The following TTC38 variants were observed in gnomAD, a reference collection of about 807,000 sequenced individuals.
TTC38 encodes tetratricopeptide repeat domain 38, also known as tetratricopeptide repeat protein 38.
TTC38 carries 64 observed loss-of-function variants against 64.2 expected under a neutral mutation model. The ratio of observed to expected loss-of-function variants is 1.00; its 90% CI spans 0.81 to 1.23. The LOEUF (loss-of-function observed/expected upper bound fraction) is 1.23. TTC38 is among the 50% of genes most tolerant of loss of function. The probability of loss-of-function intolerance (pLI) is 0.00; values close to 1 mark genes in which losing one functional copy is unlikely to be tolerated. For synonymous variants in TTC38, 254 were observed against 249.3 expected (o/e 1.02, Z -0.18); for missense variants, 573 against 615.5 (o/e 0.93, Z 0.73).
rs1479708122 is a variant in TTC38 at position 46,291,619 on chromosome 22, GT to G, written c.1317-1169del. On this transcript the variant is annotated intron_variant, in intron 13 of 13. Coordinates refer to ENST00000381031, the MANE Select transcript of TTC38 (RefSeq NM_017931.4). The surrounding 1 kb of genome is among the most constrained non-coding windows in gnomAD (Gnocchi z 4.6). ...CCCTCTAGAACCACTGTTTTCAGGT[GT>G]TTGGGGGCTGTCTTAGTCAGTTTGG... Among the ~76,000 whole-genome samples, 2 of 152,194 alleles carry G rather than the reference GT, an allele frequency of 1.3e-5. No individual in the cohort carries two copies. Among genetic ancestry groups the G allele is most frequent in the Non-Finnish European group, 2.9e-5 (2 of 68,022 alleles).
Position 46,275,759 on chromosome 22 carries a change from C to T in TTC38, c.539+338C>T, listed in dbSNP as rs563617272. 6.6e-6 allele frequency among the ~76,000 whole-genome samples: 1 copy of T among 152,322 alleles called. No homozygotes were observed. Among genetic ancestry groups the T allele is most frequent in the South Asian group, 2.1e-4 (1 of 4,832 alleles). The stretch of plus-strand genomic sequence containing the variant: ...AGGGCTGAGGGCTCTGCCACCATGT[C>T]CTTGTCTCCATCTGGGATCCCAGCT... On this transcript the variant is annotated intron_variant, in intron 5 of 13. Coordinates refer to ENST00000381031, the MANE Select transcript of TTC38 (RefSeq NM_017931.4). The surrounding 1 kb of genome is among the most constrained non-coding windows in gnomAD (Gnocchi z 4.5).
chr22:46,279,453 G>A (rs2077517384), intron 6 of TTC38, among the ~76,000 whole-genome samples: 2 of 152,304 alleles, frequency 1.3e-5, no homozygotes, highest in Non-Finnish European at 2.9e-5. Flanking sequence ...CAAGGCTAGA[G>A]CCTGCCTAAG....
intron 12 of TTC38, 130 bp from the exon 13 acceptor site, chr22:46,289,696 G>GT: frequency 6.8e-7 from 1 of 1,465,428 alleles, no homozygotes; most frequent in South Asian, 1.1e-5. Context: ...CTCCCGCCGT[G>GT]TAAGTTCGTC....
chr22:46,278,826 C>T (rs889911952), intron 6 of TTC38, among the ~76,000 whole-genome samples, 165 bp downstream of exon 6: 2 of 152,230 alleles, frequency 1.3e-5, no homozygotes, highest in South Asian at 4.1e-4. Flanking sequence ...AGCTGCCGCC[C>T]GCCAGGGGCT....
chr22:46,277,557 A>G (rs537661072), intron 5 of TTC38, among the ~76,000 whole-genome samples: 5 of 138,362 alleles, frequency 3.6e-5, no homozygotes, highest in Admixed American at 8.0e-5. Context: ...GTGAGCTGAG[A>G]TTGTGCCACT....
chr22:46,270,299 G>T lies in TTC38; in HGVS notation c.111+1708G>T, dbSNP rs1402365004. On this transcript the variant is annotated intron_variant, in intron 2 of 13. Coordinates refer to ENST00000381031, the MANE Select transcript of TTC38 (RefSeq NM_017931.4). This position sits in a 1 kb window ranked among gnomAD's most constrained non-coding sequence, Gnocchi z 4.7. ...AGCTATTTGGGAGGCTGAGGCAGGG[G>T]GATTGCTTGAGCCTGGGCGGTTGAG... Among the ~76,000 whole-genome samples the T allele has an allele frequency of 6.6e-6, 1 of 152,092 alleles. No individual in the cohort carries two copies. The highest frequency in any genetic ancestry group is 1.5e-5 in the Non-Finnish European group (1 of 68,026).
Position 46,291,975 on chromosome 22 carries a change from G to A in TTC38, c.1317-816G>A, listed in dbSNP as rs1305804380. 6.6e-6 allele frequency among the ~76,000 whole-genome samples: 1 copy of A among 151,376 alleles called. No individual in the cohort carries two copies. Among genetic ancestry groups the A allele is most frequent in the Non-Finnish European group, 1.5e-5 (1 of 67,942 alleles). On this transcript the variant is annotated intron_variant, in intron 13 of 13. Coordinates refer to ENST00000381031, the MANE Select transcript of TTC38 (RefSeq NM_017931.4). This position sits in a 1 kb window ranked among gnomAD's most constrained non-coding sequence, Gnocchi z 4.6. ...TATCTCAAAAAATTAAAAAATAAAAGTGCCACAGTCTGGGCGGCTTGCACA... is the reference window on the plus strand; with the variant it reads ...TATCTCAAAAAATTAAAAAATAAAAATGCCACAGTCTGGGCGGCTTGCACA...
Position 46,275,410 on chromosome 22 carries a change from C to A in TTC38, c.528C>A (p.Ile176=), listed in dbSNP as rs1178147636. 1 of 1,609,264 alleles carries A rather than the reference C, an allele frequency of 6.2e-7. No individual in the cohort carries two copies. The highest frequency in any genetic ancestry group is 8.5e-7 in the Non-Finnish European group (1 of 1,179,526). The part of the protein sequence containing the change: ...ARIYPFWTPD[I]PLSSYVKGIY... ...TTTACCCCTTCTGGACACCTGACATCCCCCTAAGCAGGTATGTGCCAGCTG... is the reference window on the plus strand; with the variant it reads ...TTTACCCCTTCTGGACACCTGACATACCCCTAAGCAGGTATGTGCCAGCTG... The change falls in exon 5 of 14, where the codon ATC becomes ATA. Residue 176 remains isoleucine, a synonymous_variant. Coordinates refer to ENST00000381031, the MANE Select transcript of TTC38 (RefSeq NM_017931.4). This position sits in a 1 kb window ranked among gnomAD's most constrained non-coding sequence, Gnocchi z 4.5.
intron 2 of TTC38, among the ~76,000 whole-genome samples, chr22:46,269,599 A>C (rs1936849346): frequency 6.6e-6 from 1 of 152,224 alleles, no homozygotes; most frequent in Non-Finnish European, 1.5e-5. Context: ...AGGAGGACTC[A>C]GGTAGCTCTT....
chr22:46,269,064 G>C, intron 2 of TTC38: 1 of 391,698 alleles, frequency 2.6e-6, no homozygotes, highest in South Asian at 1.8e-5. Flanking sequence ...ACTGGAGGAC[G>C]TGGGAGGGTG....
chr22:46,292,691 A>C lies in TTC38; in HGVS notation c.1317-100A>C. ...GCCCTTGCTGTTCCCTCAGTGCCGCAGTCTAGCCTGCCTGTGTTCTGCCTT... is the reference window on the plus strand; with the variant it reads ...GCCCTTGCTGTTCCCTCAGTGCCGCCGTCTAGCCTGCCTGTGTTCTGCCTT... On this transcript the variant is annotated intron_variant, in intron 13 of 13. Coordinates refer to ENST00000381031, the MANE Select transcript of TTC38 (RefSeq NM_017931.4). The surrounding 1 kb of genome is among the most constrained non-coding windows in gnomAD (Gnocchi z 6.5). 1 of 1,074,698 alleles carries C rather than the reference A, an allele frequency of 9.3e-7. No individual in the cohort carries two copies. Among genetic ancestry groups the C allele is most frequent in the South Asian group, 1.3e-5 (1 of 75,788 alleles). The allele number at this position is 1,074,698 out of a possible 1,614,324, so 66.6% of individuals were successfully genotyped here.
rs1222913856 is a variant in TTC38, at chr22:46,281,922, C to T, written c.735+204C>T. ...GTCCCCACCCCAGGCCCATACCTTG[C>T]CCTAGGGACTCCACTGAGGGTCCAG... On this transcript the variant is annotated intron_variant, in intron 7 of 13. Transcript: ENST00000381031. The surrounding 1 kb of genome is among the most constrained non-coding windows in gnomAD (Gnocchi z 5.2). 4.2e-6 allele frequency: 3 copies of T among 710,176 alleles called. No individual in the cohort carries two copies. In the African/African-American group the frequency reaches 5.3e-5, roughly 13 times the overall value. 44.0% of individuals were successfully genotyped at this position (710,176 alleles called of 1,614,324 possible).
rs1300711955 is a variant in TTC38 at position 46,282,940 on chromosome 22, T to G, written c.736-1033T>G. Among the ~76,000 whole-genome samples the G allele has an allele frequency of 6.6e-6, 1 of 152,158 alleles. No homozygotes were observed. Among genetic ancestry groups the G allele is most frequent in the African/African-American group, 2.4e-5 (1 of 41,428 alleles). ...ATCTCTGCAGGTTTTTGTTTTTGTT[T>G]TTTTTTGAGACAAGTTCTCTCTCTG... is the stretch of plus-strand genomic sequence containing the variant. On this transcript the variant is annotated intron_variant, in intron 7 of 13. Transcript: ENST00000381031. The surrounding 1 kb of genome is among the most constrained non-coding windows in gnomAD (Gnocchi z 4.4).
intron 1 of TTC38, among the ~76,000 whole-genome samples, chr22:46,268,295 C>A (rs759043385): frequency 1.8e-4 from 27 of 152,320 alleles, no homozygotes; most frequent in Non-Finnish European, 3.1e-4. Flanking sequence ...TCGGGAGACC[C>A]CAAGACCTCC....
Position 46,291,701 on chromosome 22 carries a change from T to TC in TTC38, c.1317-1087dup, listed in dbSNP as rs1402954487. ...CGGGCACGGTGGCTCATGCCTGTAA[T>TC]CCCAGCACTTTCGGAGGCCAAGGCG... On this transcript the variant is annotated intron_variant, in intron 13 of 13. Transcript: ENST00000381031. This position sits in a 1 kb window ranked among gnomAD's most constrained non-coding sequence, Gnocchi z 4.6. Among the ~76,000 whole-genome samples, 3 of 152,184 alleles carry TC rather than the reference T, an allele frequency of 2.0e-5. No individual in the cohort carries two copies. Among genetic ancestry groups the TC allele is most frequent in the Non-Finnish European group, 2.9e-5 (2 of 68,036 alleles).
rs1035767444 is a variant in TTC38 at position 46,275,131 on chromosome 22, T to A, written c.366-117T>A. On this transcript the variant is annotated intron_variant, in intron 4 of 13. Transcript: ENST00000381031. This position sits in a 1 kb window ranked among gnomAD's most constrained non-coding sequence, Gnocchi z 4.5. Reference sequence around the variant, plus strand: ...CCACCGCACCCAGTCAGAAACTGATTTTTAAAAAAACACATCCATGTAGAC... The same window carrying A: ...CCACCGCACCCAGTCAGAAACTGATATTTAAAAAAACACATCCATGTAGAC... 9.5e-7 allele frequency: 1 copy of A among 1,056,494 alleles called. No individual in the cohort carries two copies. The highest frequency in any genetic ancestry group is 1.6e-5 in the African/African-American group (1 of 61,412). The allele number at this position is 1,056,494 out of a possible 1,614,324, so 65.4% of individuals were successfully genotyped here.
At chr22:46,288,702 G>A (rs2077589865) in intron 11 of TTC38, 114 bp downstream of exon 11, 3 of 1,106,750 alleles carry the variant, frequency 2.7e-6, no homozygotes, top group Non-Finnish European at 3.9e-6. Flanking sequence ...AGTGCAGCAG[G>A]GGGGATGCCC....
Position 46,282,111 on chromosome 22 carries a change from G to A in TTC38, c.735+393G>A. 1 of 399,486 alleles carries A rather than the reference G, an allele frequency of 2.5e-6. No individual in the cohort carries two copies. The highest frequency in any genetic ancestry group is 5.3e-6 in the Non-Finnish European group (1 of 190,358). 24.7% of individuals were successfully genotyped at this position (399,486 alleles called of 1,614,324 possible). ...GGACAGTGGCTAGGGAAGGCATCCT[G>A]GAGGGGGCAACCTCTGAGTTGGCTA... is the stretch of plus-strand genomic sequence containing the variant. On this transcript the variant is annotated intron_variant, in intron 7 of 13. Transcript: ENST00000381031. This position sits in a 1 kb window ranked among gnomAD's most constrained non-coding sequence, Gnocchi z 4.4.
chr22:46,270,403 G>A lies in TTC38; in HGVS notation c.111+1812G>A, dbSNP rs1374330352. ...ACCCTGTCTTAAAAAAAAAATACAC[G>A]TACTAATTCTGTGTAGATGTAGGTT... On this transcript the variant is annotated intron_variant, in intron 2 of 13. Coordinates refer to ENST00000381031, the MANE Select transcript of TTC38 (RefSeq NM_017931.4). The surrounding 1 kb of genome is among the most constrained non-coding windows in gnomAD (Gnocchi z 4.7). 3.3e-5 allele frequency among the ~76,000 whole-genome samples: 5 copies of A among 152,068 alleles called. No individual in the cohort carries two copies. Among genetic ancestry groups the A allele is most frequent in the East Asian group, 1.9e-4 (1 of 5,174 alleles).
Sources: gnomAD v4.1 joint callset for allele counts (sites outside exome capture counted in the v4.1 genomes callset) on GRCh38, gnomAD v4.1.1 for gene constraint, Gnocchi (gnomAD v3.1) non-coding constraint, MANE v1.5 for transcripts, NCBI Gene and HGNC (gene_info 2026-07-23, HGNC 2026-07-21) for gene names.